Variants in SRRM4 observed in about 807,000 individuals in gnomAD.
The protein encoded by SRRM4 is serine/arginine repetitive matrix 4.
In SRRM4, 33 loss-of-function variants were observed where a neutral mutation model predicts 68.9. That is an observed-to-expected ratio of 0.48 (90% CI 0.36 to 0.64). The LOEUF (loss-of-function observed/expected upper bound fraction) is 0.64. Ranked by LOEUF, SRRM4 falls within the 30% of genes least tolerant of loss-of-function variation. The pLI, the probability that SRRM4 is intolerant of heterozygous loss-of-function variation, is 0.00. For missense variants in SRRM4, 817 were observed against 827.1 expected, an observed-to-expected ratio of 0.99 and a Z score of 0.15; for synonymous variants, 318 against 318.8, an observed-to-expected ratio of 1.00 and a Z score of 0.03.
chr12:119,051,678 T>C (rs1287341542), intron 1 of SRRM4, among the ~76,000 whole-genome samples: 1 of 152,276 alleles, frequency 6.6e-6, no homozygotes, highest in South Asian at 2.1e-4. Context: ...GCACTGAACA[T>C]ATTAAAGGCA....
At chr12:119,076,877 G>A (rs115276683) in intron 1 of SRRM4, among the ~76,000 whole-genome samples, 1 of 152,184 alleles carries the variant, frequency 6.6e-6, no homozygotes, top group Non-Finnish European at 1.5e-5. Flanking sequence ...TGGGGGTTAG[G>A]AAAGAATTAA....
chr12:119,024,475 C>T (rs1482505224), intron 1 of SRRM4, among the ~76,000 whole-genome samples: 1 of 152,226 alleles, frequency 6.6e-6, no homozygotes, highest in Non-Finnish European at 1.5e-5. Flanking sequence ...CTCGGCTGGG[C>T]CCCTTTGTGT....
chr12:119,153,578 C>T lies in SRRM4; in HGVS notation c.1320C>T (p.Gly440=). Residue 440 remains glycine, a synonymous_variant, in exon 11 of 13, where the codon GGC becomes GGT. Transcript: ENST00000267260. ...SRSPSYSSKS[G]KRSPPSRSSR... ...CTCCCAGCTATTCCTCCAAGTCTGG[C>T]AAGAGGAGCCCGCCCAGCAGAAGCT... 1 of 1,577,070 alleles carries T rather than the reference C, an allele frequency of 6.3e-7. No homozygotes were observed. The highest frequency in any genetic ancestry group is 1.8e-5 in the Admixed American group (1 of 55,328).
chr12:119,016,285 C>A (rs148450166), intron 1 of SRRM4, among the ~76,000 whole-genome samples: 3 of 151,916 alleles, frequency 2.0e-5, no homozygotes, highest in African/African-American at 7.3e-5. Context: ...TTGTTTTAAG[C>A]CACTCAGCAT....
Position 118,981,677 on chromosome 12 carries a change from G to A in SRRM4, c.-206G>A. 1.7e-6 allele frequency: 1 copy of A among 586,162 alleles called. No individual in the cohort carries two copies. The highest frequency in any genetic ancestry group is 2.9e-6 in the Non-Finnish European group (1 of 339,228). The allele number at this position is 586,162 out of a possible 1,614,324, so 36.3% of individuals were successfully genotyped here. A position where few individuals can be genotyped will look rare whatever the true frequency, so the allele number is the denominator to read the frequency against. On this transcript the variant is annotated 5_prime_UTR_variant, in exon 1 of 13. Coordinates refer to ENST00000267260, the MANE Select transcript of SRRM4 (RefSeq NM_194286.4). ...CCTGGAGCCGACCCAGAAGGGCGAA[G>A]AAAGCCCAGCGGACGAGCCTCCTTT...
chr12:119,031,534 T>G (rs530044720), intron 1 of SRRM4, among the ~76,000 whole-genome samples: 86 of 152,300 alleles, frequency 5.6e-4, no homozygotes, highest in African/African-American at 2.0e-3. Flanking sequence ...TACTACATTC[T>G]AGAAGTAGAA....
intron 1 of SRRM4, among the ~76,000 whole-genome samples, chr12:119,053,908 T>C (rs1205899392): frequency 6.6e-6 from 1 of 152,230 alleles, no homozygotes; most frequent in Non-Finnish European, 1.5e-5. Context: ...TACTCTTTTA[T>C]TTTAAAATGT....
At chr12:119,024,426 A>C (rs1159141746) in intron 1 of SRRM4, among the ~76,000 whole-genome samples, 2 of 152,226 alleles carry the variant, frequency 1.3e-5, no homozygotes, top group Non-Finnish European at 2.9e-5. Context: ...GCAGGATGGC[A>C]GAGGGAATGT....
At chr12:118,988,641 A>G (rs899643836) in intron 1 of SRRM4, among the ~76,000 whole-genome samples, 4 of 152,252 alleles carry the variant, frequency 2.6e-5, no homozygotes, top group African/African-American at 9.6e-5. Context: ...TTGGCTAAAA[A>G]AAAATTAGGT....
At chr12:119,034,063 A>T (rs912772009) in intron 1 of SRRM4, among the ~76,000 whole-genome samples, 3 of 152,144 alleles carry the variant, frequency 2.0e-5, no homozygotes, top group Non-Finnish European at 4.4e-5. Context: ...GCGACTTAGG[A>T]GCAAGGGGCC....
intron 10 of SRRM4, 139 bp from the exon 11 acceptor site, chr12:119,153,400 T>C: frequency 1.6e-6 from 1 of 608,062 alleles, no homozygotes; most frequent in South Asian, 2.0e-5. Flanking sequence ...CATTCTTTGA[T>C]CGGGGCCCAG....
chr12:119,137,248 C>A (rs1954334886), intron 8 of SRRM4, among the ~76,000 whole-genome samples: 2 of 152,036 alleles, frequency 1.3e-5, no homozygotes, highest in African/African-American at 2.4e-5. Context: ...CCATTTGAAG[C>A]TCAGTAAATG....
intron 1 of SRRM4, among the ~76,000 whole-genome samples, chr12:119,048,197 G>A (rs1256963546): frequency 6.6e-6 from 1 of 152,170 alleles, no homozygotes; most frequent in Admixed American, 6.5e-5. Flanking sequence ...GGATCTCAGG[G>A]TGATAATGCA....
chr12:118,995,597 G>A (rs566304232), intron 1 of SRRM4, among the ~76,000 whole-genome samples: 11 of 152,196 alleles, frequency 7.2e-5, no homozygotes, highest in African/African-American at 2.6e-4. Flanking sequence ...AATGCTTTCC[G>A]GAAACAAGTT....
chr12:119,062,067 G>A (rs1223684837), intron 1 of SRRM4, among the ~76,000 whole-genome samples: 1 of 152,172 alleles, frequency 6.6e-6, no homozygotes, highest in East Asian at 1.9e-4. Context: ...AGGCTGTATG[G>A]TACAGCTTGC....
intron 1 of SRRM4, among the ~76,000 whole-genome samples, chr12:119,017,520 A>G (rs1428212705): frequency 6.6e-6 from 1 of 152,202 alleles, no homozygotes. Flanking sequence ...GCTGAGGAAG[A>G]TGGGAAGCAG....
rs889896927 is a variant in SRRM4 at position 119,162,509 on chromosome 12, G to C, written c.*5711G>C. 5 of 152,170 alleles carry C rather than the reference G, an allele frequency of 3.3e-5. No individual in the cohort carries two copies. The highest frequency in any genetic ancestry group is 3.3e-4 in the Admixed American group (5 of 15,280). 9.4% of individuals were successfully genotyped at this position (152,170 alleles called of 1,614,324 possible). A position where few individuals can be genotyped will look rare whatever the true frequency, so the allele number is the denominator to read the frequency against. On this transcript the variant is annotated 3_prime_UTR_variant, in exon 13 of 13. Transcript: ENST00000267260. ...TAGGTCATATTGCCACTTTTCAGAGGAGAAAACTGAGGCTCAGGAGGGGGA... is the reference window on the plus strand; with the variant it reads ...TAGGTCATATTGCCACTTTTCAGAGCAGAAAACTGAGGCTCAGGAGGGGGA...
chr12:119,016,129 G>A lies in SRRM4; in HGVS notation c.131+34116G>A, dbSNP rs972151692. On this transcript the variant is annotated intron_variant, in intron 1 of 12. Transcript: ENST00000267260. ...TGAAGGCAGAGGTTGGAATGATGCTGCCACAAACCTAGGAATGCCAGAGCC... is the reference window on the plus strand; with the variant it reads ...TGAAGGCAGAGGTTGGAATGATGCTACCACAAACCTAGGAATGCCAGAGCC... 2.0e-5 allele frequency among the ~76,000 whole-genome samples: 3 copies of A among 152,320 alleles called. No homozygotes were observed. The East Asian group carries it at 5.8e-4, about 29-fold the overall frequency.
rs955331860 is a variant in SRRM4 at position 118,982,150 on chromosome 12, GA to G, written c.131+140del. 5.8e-5 allele frequency: 64 copies of G among 1,105,070 alleles called. No homozygotes were observed. In the African/African-American group the frequency reaches 8.7e-4, roughly 15 times the overall value. The allele number at this position is 1,105,070 out of a possible 1,614,324, so 68.5% of individuals were successfully genotyped here. A position where few individuals can be genotyped will look rare whatever the true frequency, so the allele number is the denominator to read the frequency against. On this transcript the variant is annotated intron_variant, in intron 1 of 12. Transcript: ENST00000267260. ...CCGTCACTACTCGGCGGCTCCCGCT[GA>G]AACATGGGAACTCATTGCTTGTGTG...
Sources: gnomAD v4.1 joint callset for allele counts (sites outside exome capture counted in the v4.1 genomes callset) on GRCh38, gnomAD v4.1.1 for gene constraint, MANE v1.5 for transcripts, NCBI Gene and HGNC (gene_info 2026-07-23, HGNC 2026-07-21) for gene names.